TPP2: variants seen among roughly 807,000 people sequenced by gnomAD.
TPP2 encodes the protein tripeptidyl peptidase 2.
In TPP2, 34 loss-of-function variants were observed where a neutral mutation model predicts 155.9. The ratio of observed to expected loss-of-function variants is 0.22; its 90% CI spans 0.17 to 0.29. The LOEUF is 0.29. TPP2 is among the 10% of genes least tolerant of loss of function. The pLI is 1.00. For missense variants in TPP2, 1,028 were observed against 1,522.3 expected (o/e 0.68, Z 5.40); for synonymous variants, 510 against 529.4 (o/e 0.96, Z 0.50).
rs139801637 is a variant in TPP2, at chr13:102,670,436, G to A, written c.3372-3847G>A. Among the ~76,000 whole-genome samples, 16 of 152,260 alleles carry A rather than the reference G, an allele frequency of 1.1e-4. No homozygotes were observed. The East Asian group carries it at 2.9e-3, about 28-fold the overall frequency. On this transcript the variant is annotated intron_variant, in intron 27 of 29. Transcript: ENST00000376052. ...GGTTTTACTAACTAGCTGGGTACAG[G>A]GAGATAGAGTTTTAGTTCTGGTATG... is the stretch of plus-strand genomic sequence containing the variant.
intron 27 of TPP2, among the ~76,000 whole-genome samples, chr13:102,669,563 A>T (rs138856712): frequency 1.4e-4 from 22 of 152,300 alleles, no homozygotes; most frequent in Non-Finnish European, 2.2e-4. Flanking sequence ...AAATTTAGGG[A>T]TGTGTGTAAC....
chr13:102,662,378 T>A (rs1884289744), intron 25 of TPP2, among the ~76,000 whole-genome samples: 1 of 152,158 alleles, frequency 6.6e-6, no homozygotes. Flanking sequence ...AGCATTGAAA[T>A]TCACACTTAA....
intron 10 of TPP2, among the ~76,000 whole-genome samples, chr13:102,633,231 A>C (rs1882138978): frequency 6.6e-6 from 1 of 152,184 alleles, no homozygotes; most frequent in African/African-American, 2.4e-5. Flanking sequence ...TTAATTCATC[A>C]GACTTTGCTT....
intron 11 of TPP2, among the ~76,000 whole-genome samples, chr13:102,635,092 C>G (rs1239432695): frequency 1.3e-5 from 2 of 152,130 alleles, no homozygotes; most frequent in Non-Finnish European, 2.9e-5. Context: ...CCTGGCTGTA[C>G]CCTAGAATCA....
chr13:102,644,358 CTA>C lies in TPP2; in HGVS notation c.2176-197_2176-196del, dbSNP rs1012011179. The stretch of plus-strand genomic sequence containing the variant: ...GAAGCATAGGGTTATGAGTAAATAA[CTA>C]TGTATATTTAAATACACCATATCTC... On this transcript the variant is annotated intron_variant, in intron 17 of 29. Coordinates refer to ENST00000376052, the MANE Select transcript of TPP2 (RefSeq NM_001330588.2). 1.2e-3 allele frequency among the ~76,000 whole-genome samples: 180 copies of C among 152,200 alleles called. 1 individual carries two copies. The highest frequency in any genetic ancestry group is 4.2e-3 in the African/African-American group (173 of 41,528).
intron 6 of TPP2, among the ~76,000 whole-genome samples, chr13:102,623,511 C>T (rs1221636326): frequency 1.3e-5 from 2 of 152,104 alleles, no homozygotes; most frequent in Admixed American, 6.5e-5. Context: ...TGCAGTGAGC[C>T]GAGATCGTGC....
chr13:102,636,526 C>G, intron 13 of TPP2, 134 bp downstream of exon 13: 8 of 1,145,812 alleles, frequency 7.0e-6, no homozygotes, highest in Non-Finnish European at 8.2e-6. Flanking sequence ...TATTTTAAAT[C>G]TTAGTCATAA....
intron 12 of TPP2, 77 bp downstream of exon 12, chr13:102,635,779 G>A: frequency 8.8e-7 from 1 of 1,131,358 alleles, no homozygotes; most frequent in Non-Finnish European, 1.3e-6. Flanking sequence ...GTAATATTTT[G>A]TTTTATAACA....
chr13:102,646,434 G>A, intron 20 of TPP2, 44 bp downstream of exon 20: 1 of 1,488,722 alleles, frequency 6.7e-7, no homozygotes. Context: ...ATGAACTTTT[G>A]TGTTTTATTT....
rs1191256312 is a variant in TPP2, at chr13:102,634,109, T to A, written c.1393+11T>A. 1.9e-6 allele frequency: 3 copies of A among 1,613,982 alleles called. No individual in the cohort carries two copies. In the Admixed American group the frequency reaches 5.0e-5, roughly 27 times the overall value. On this transcript the variant is annotated intron_variant, in intron 11 of 29. Coordinates refer to ENST00000376052, the MANE Select transcript of TPP2 (RefSeq NM_001330588.2). ...CCCTGATCCTTTCAGGTAAGCGTGT[T>A]CTTTATTGTCCTTACATTATTGCAG... is the stretch of plus-strand genomic sequence containing the variant.
At chr13:102,662,444 T>C (rs1884296301) in intron 25 of TPP2, among the ~76,000 whole-genome samples, 1 of 152,186 alleles carries the variant, frequency 6.6e-6, no homozygotes, top group South Asian at 2.1e-4. Context: ...AATAGGTGTT[T>C]TAGAAGAAAA....
chr13:102,649,391 T>C lies in TPP2; in HGVS notation c.2874-17T>C, dbSNP rs772813423. 3.8e-6 allele frequency: 6 copies of C among 1,592,178 alleles called. No homozygotes were observed. Among genetic ancestry groups the C allele is most frequent in the Non-Finnish European group, 5.1e-6 (6 of 1,174,010 alleles). Reference sequence around the variant, plus strand: ...TCTCTTTTGTTGCTTTTTTTCTCTTTGAATTCTCTTGTTTAGAATACCTAA... The same window carrying C: ...TCTCTTTTGTTGCTTTTTTTCTCTTCGAATTCTCTTGTTTAGAATACCTAA... On this transcript the variant is annotated splice_polypyrimidine_tract_variant and intron_variant, in intron 22 of 29. Coordinates refer to ENST00000376052, the MANE Select transcript of TPP2 (RefSeq NM_001330588.2).
chr13:102,671,813 G>C (rs966686717), intron 27 of TPP2, among the ~76,000 whole-genome samples: 4 of 152,108 alleles, frequency 2.6e-5, no homozygotes, highest in Admixed American at 2.6e-4. Flanking sequence ...AGAAGGGGGA[G>C]GAACCATGGG....
chr13:102,627,762 A>G (rs1170709619), intron 7 of TPP2, 86 bp from the exon 8 acceptor site: 8 of 926,824 alleles, frequency 8.6e-6, no homozygotes, highest in Non-Finnish European at 1.2e-5. Flanking sequence ...CTAAGAAACT[A>G]TAGGATTATA....
chr13:102,601,755 G>GTT (rs1456534216), intron 1 of TPP2, among the ~76,000 whole-genome samples: 4 of 152,080 alleles, frequency 2.6e-5, no homozygotes, highest in Non-Finnish European at 5.9e-5. Context: ...TCCTCAGGGG[G>GTT]TTTGCCTTTT....
intron 10 of TPP2, among the ~76,000 whole-genome samples, chr13:102,630,461 A>T (rs1039629418): frequency 6.6e-6 from 1 of 152,192 alleles, no homozygotes; most frequent in Admixed American, 6.5e-5. Context: ...AAGAATCTAA[A>T]GAAAAAGTAG....
chr13:102,659,273 G>A (rs1884050795), intron 25 of TPP2, among the ~76,000 whole-genome samples: 1 of 152,174 alleles, frequency 6.6e-6, no homozygotes, highest in Admixed American at 6.5e-5. Context: ...AGGAGTACCA[G>A]GAGAACAGAG....
chr13:102,610,824 A>G (rs1377142580), intron 2 of TPP2, among the ~76,000 whole-genome samples: 4 of 152,172 alleles, frequency 2.6e-5, no homozygotes, highest in Non-Finnish European at 2.9e-5. Flanking sequence ...AAACACATAT[A>G]TACAGTTTTA....
At chr13:102,677,000 G>T (rs574557496) in intron 29 of TPP2, among the ~76,000 whole-genome samples, 1 of 152,268 alleles carries the variant, frequency 6.6e-6, no homozygotes, top group South Asian at 2.1e-4. Context: ...GGGGAGTTTG[G>T]TGGTGCCAGA....
Sources: gnomAD v4.1 joint callset for allele counts (sites outside exome capture counted in the v4.1 genomes callset) on GRCh38, gnomAD v4.1.1 for gene constraint, MANE v1.5 for transcripts, NCBI Gene and HGNC (gene_info 2026-07-23, HGNC 2026-07-21) for gene names.